IL34: variants seen among roughly 807,000 people sequenced by gnomAD.
IL34 encodes the protein interleukin-34.
A neutral mutation model predicts 25.3 loss-of-function variants in IL34; 17 were observed. That is an observed-to-expected ratio of 0.67 (90% CI 0.46 to 1.01). The LOEUF is 1.01. IL34 is among the 50% of genes least tolerant of loss of function. IL34 has a pLI of 0.00. For missense variants in IL34, 368 were observed against 312.9 expected (o/e 1.18, Z -1.33); for synonymous variants, 174 against 140.9 (o/e 1.23, Z -1.66).
chr16:70,581,926 A>AAAAACC (rs565065901), intron 1 of IL34, among the ~76,000 whole-genome samples: 1 of 118,088 alleles, frequency 8.5e-6, no homozygotes, highest in Non-Finnish European at 2.0e-5. Flanking sequence ...CTACAAAAAC[A>AAAAACC]AAAAACAAAA....
Position 70,656,964 on chromosome 16 carries a change from G to T in IL34, c.245G>T (p.Arg82Met). ...GTGACTTCCCTGTTTCCGCAGCAGAGGGCCCAGGTGAGCGAGCGGGAGCTG... is the reference window on the plus strand; with the variant it reads ...GTGACTTCCCTGTTTCCGCAGCAGATGGCCCAGGTGAGCGAGCGGGAGCTG... ...FRIANVTRLQRAQVSERELRY... is the reference protein window; with the variant it reads ...FRIANVTRLQMAQVSERELRY... The change falls in exon 4 of 6, where the codon AGG becomes ATG. Residue 82 changes from arginine (R) to methionine (M), a missense_variant. Physicochemically the swap from Arg to Met is moderately conservative, Grantham distance 91 (BLOSUM62 -1). Coordinates refer to ENST00000288098, the MANE Select transcript of IL34 (RefSeq NM_001393494.1). 4 of 1,606,648 alleles carry T rather than the reference G, an allele frequency of 2.5e-6. No homozygotes were observed. Among genetic ancestry groups the T allele is most frequent in the Non-Finnish European group, 3.4e-6 (4 of 1,176,330 alleles).
At chr16:70,650,180 G>A (rs1041365785) in intron 1 of IL34, among the ~76,000 whole-genome samples, 1 of 152,156 alleles carries the variant, frequency 6.6e-6, no homozygotes, top group African/African-American at 2.4e-5. Context: ...ACTGGCTGTG[G>A]GGTTCCTGGT....
At chr16:70,604,998 G>A (rs1226930064) in intron 1 of IL34, among the ~76,000 whole-genome samples, 1 of 152,192 alleles carries the variant, frequency 6.6e-6, no homozygotes, top group East Asian at 1.9e-4. Flanking sequence ...GAGGAGGCAA[G>A]GCCTCTCAGA....
chr16:70,654,812 A>C, intron 2 of IL34, 141 bp downstream of exon 2: 1 of 1,102,088 alleles, frequency 9.1e-7, no homozygotes, highest in Non-Finnish European at 1.3e-6. Flanking sequence ...CTTTCTCCGA[A>C]ACCTACCCAT....
At chr16:70,618,657 A>G (rs2051213224) in intron 1 of IL34, among the ~76,000 whole-genome samples, 1 of 152,188 alleles carries the variant, frequency 6.6e-6, no homozygotes, top group African/African-American at 2.4e-5. Context: ...TTGTGTAAGA[A>G]TTCTGACCAC....
chr16:70,585,717 A>G lies in IL34; in HGVS notation c.-401+5668A>G, dbSNP rs1427740790. Among the ~76,000 whole-genome samples, 9 of 150,010 alleles carry G rather than the reference A, an allele frequency of 6.0e-5. No individual in the cohort carries two copies. In the Admixed American group the frequency reaches 6.0e-4, roughly 10 times the overall value. ...AAAAAAAAAATTTTTTTTTTTTTAG[A>G]GACAGGGTCTCCCTATGTTGCACAG... On this transcript the variant is annotated intron_variant, in intron 1 of 6. Coordinates refer to the IL34 transcript ENST00000429149.
At chr16:70,642,836 T>G (rs1004700639), upstream of IL34, among the ~76,000 whole-genome samples, 4 of 152,198 alleles carry the variant, frequency 2.6e-5, no homozygotes, top group Admixed American at 6.6e-5. Flanking sequence ...TATTGCATAA[T>G]CAATCCCATT....
intron 4 of IL34, 40 bp from the exon 5 acceptor site, chr16:70,659,578 C>T: frequency 6.4e-7 from 1 of 1,573,752 alleles, no homozygotes; most frequent in Admixed American, 1.7e-5. Flanking sequence ...GGGGTGCGGC[C>T]CCATCTCGCC....
chr16:70,608,204 C>T (rs1427975969), intron 1 of IL34, among the ~76,000 whole-genome samples: 5 of 149,616 alleles, frequency 3.3e-5, no homozygotes, highest in African/African-American at 1.2e-4. Flanking sequence ...TCTCGGCTCA[C>T]TGCAACCTCT....
chr16:70,642,629 A>T (rs895744516), upstream of IL34, among the ~76,000 whole-genome samples: 1 of 152,084 alleles, frequency 6.6e-6, no homozygotes, highest in African/African-American at 2.4e-5. Flanking sequence ...TTATCCCACC[A>T]TAAGGACCCC....
intron 1 of IL34, among the ~76,000 whole-genome samples, chr16:70,649,208 G>A (rs905867537): frequency 1.3e-5 from 2 of 152,200 alleles, no homozygotes; most frequent in African/African-American, 4.8e-5. Context: ...AGATGTTATA[G>A]CTCTGTGCCA....
rs779215796 is a variant in IL34 at position 70,657,023 on chromosome 16, A to G, written c.304A>G (p.Thr102Ala). ...YLWVLVSLSA[T>A]ESVQDVLLEG... ...GTGGGTCTTGGTGAGCCTCAGTGCC[A>G]CTGAGTCGGTGCAGGACGTGCTGCT... Residue 102 changes from threonine (T) to alanine (A), a missense_variant, in exon 4 of 6, where the codon ACT becomes GCT. Thr to Ala is a moderately conservative substitution (Grantham distance 58). Transcript: ENST00000288098. 16 of 1,612,304 alleles carry G rather than the reference A, an allele frequency of 9.9e-6. No homozygotes were observed. Among genetic ancestry groups the G allele is most frequent in the Non-Finnish European group, 1.3e-5 (15 of 1,179,954 alleles).
chr16:70,630,209 C>T (rs977186312), intron 1 of IL34, among the ~76,000 whole-genome samples: 4 of 152,094 alleles, frequency 2.6e-5, no homozygotes, highest in Non-Finnish European at 4.4e-5. Flanking sequence ...GTACTCCATT[C>T]TGTATATGTT....
intron 1 of IL34, among the ~76,000 whole-genome samples, chr16:70,612,063 TC>T (rs1050240853): frequency 6.6e-6 from 1 of 152,126 alleles, no homozygotes; most frequent in African/African-American, 2.4e-5. Context: ...TGAGGTTCCC[TC>T]CCTTCATTAA....
intron 1 of IL34, among the ~76,000 whole-genome samples, chr16:70,602,176 G>A (rs1313139291): frequency 6.6e-6 from 1 of 152,128 alleles, no homozygotes; most frequent in South Asian, 2.1e-4. Flanking sequence ...AGGCTCCTTT[G>A]GCCTCACAAT....
At chr16:70,624,748 G>T (rs74976065) in intron 1 of IL34, among the ~76,000 whole-genome samples, 2 of 152,074 alleles carry the variant, frequency 1.3e-5, no homozygotes, top group Non-Finnish European at 2.9e-5. Context: ...GCCAGACAGG[G>T]TGTGAGGAGG....
At chr16:70,623,842 G>A (rs1016179560) in intron 1 of IL34, among the ~76,000 whole-genome samples, 1 of 151,060 alleles carries the variant, frequency 6.6e-6, no homozygotes. Context: ...CACCAGAGTT[G>A]GGGAGTTCTA....
At chr16:70,624,256 G>GCA (rs2051343203) in intron 1 of IL34, among the ~76,000 whole-genome samples, 1 of 151,016 alleles carries the variant, frequency 6.6e-6, no homozygotes, top group Non-Finnish European at 1.5e-5. Context: ...AAGCTCCTGG[G>GCA]GAAGGAGGTT....
chr16:70,644,621 A>G (rs576017658), upstream of IL34, among the ~76,000 whole-genome samples: 7 of 151,842 alleles, frequency 4.6e-5, no homozygotes, highest in East Asian at 1.4e-3. Context: ...AAAATCCCCA[A>G]ACTAATGACA....
Sources: allele counts gnomAD v4.1 joint callset (sites outside exome capture counted in the v4.1 genomes callset), GRCh38; gene constraint gnomAD v4.1.1; transcripts MANE v1.5; gene names NCBI Gene and HGNC (gene_info 2026-07-23, HGNC 2026-07-21).